The following GPHN variants were observed in gnomAD, a reference collection of about 807,000 sequenced individuals.
GPHN encodes gephyrin.
GPHN carries 17 observed loss-of-function variants against 95.5 expected under a neutral mutation model. The observed-to-expected ratio is 0.18, with a 90% confidence interval of 0.12 to 0.27. The LOEUF is 0.27. Ranked by LOEUF, GPHN falls within the 10% of genes least tolerant of loss-of-function variation. The pLI, the probability that GPHN is intolerant of heterozygous loss-of-function variation, is 1.00. For missense variants in GPHN, 660 were observed against 978.1 expected, an observed-to-expected ratio of 0.67 and a Z score of 4.34; for synonymous variants, 320 against 322.5, an observed-to-expected ratio of 0.99 and a Z score of 0.08.
chr14:67,568,459 G>A, the GPHN span, among the ~76,000 whole-genome samples: 1 of 152,070 alleles, frequency 6.6e-6, no homozygotes, highest in African/African-American at 2.4e-5. Context: ...TGGTGGCGGT[G>A]GGGGAGTATT....
the GPHN span, chr14:67,589,712 T>C: frequency 1.0e-6 from 1 of 1,002,206 alleles, no homozygotes; most frequent in Non-Finnish European, 1.2e-6. Flanking sequence ...AATATAGCTT[T>C]CTCAAGACAT....
chr14:67,721,944 T>C, the GPHN span, among the ~76,000 whole-genome samples: 2 of 152,172 alleles, frequency 1.3e-5, no homozygotes, highest in Non-Finnish European at 2.9e-5. Context: ...AATATGCATG[T>C]GCGTGTGTTA....
At chr14:67,044,658 G>A (rs146807362) in intron 10 of GPHN, among the ~76,000 whole-genome samples, 1 of 152,058 alleles carries the variant, frequency 6.6e-6, no homozygotes, top group Non-Finnish European at 1.5e-5. Flanking sequence ...TGTTGTTGTT[G>A]TTTTAAAAGC....
At chr14:67,357,190 G>A in the GPHN span, among the ~76,000 whole-genome samples, 1 of 152,190 alleles carries the variant, frequency 6.6e-6, no homozygotes. Flanking sequence ...GTACGAAAGT[G>A]GGTGAAAGTA....
At chr14:66,907,075 G>T (rs902153704) in intron 5 of GPHN, among the ~76,000 whole-genome samples, 1 of 152,102 alleles carries the variant, frequency 6.6e-6, no homozygotes, top group African/African-American at 2.4e-5. Flanking sequence ...AGAACTTCTA[G>T]ATATTTAACC....
chr14:67,007,449 G>A (rs953420274), intron 9 of GPHN, among the ~76,000 whole-genome samples: 3 of 152,134 alleles, frequency 2.0e-5, no homozygotes, highest in African/African-American at 4.8e-5. Context: ...ACCTCCTTTA[G>A]TTCATTTCCC....
intron 2 of GPHN, among the ~76,000 whole-genome samples, chr14:66,708,945 T>C (rs1040110585): frequency 4.6e-5 from 7 of 152,092 alleles, no homozygotes; most frequent in Admixed American, 4.6e-4. Context: ...GAACTCTTAA[T>C]AGTCTATTAT....
rs375167601 is a variant in GPHN, at chr14:66,879,927, C to T, written c.295-12C>T. 6.4e-7 allele frequency: 1 copy of T among 1,570,894 alleles called. No homozygotes were observed. ...TATTTCACTCAGTCTGCTATTTAAT[C>T]TTTAATTACAGGCCACAAAAGAAGT... is the stretch of plus-strand genomic sequence containing the variant. On this transcript the variant is annotated splice_polypyrimidine_tract_variant and intron_variant, in intron 4 of 22. Transcript: ENST00000478722.
At chr14:66,758,107 G>A (rs150670020) in intron 2 of GPHN, among the ~76,000 whole-genome samples, 7 of 152,176 alleles carry the variant, frequency 4.6e-5, no homozygotes, top group Non-Finnish European at 8.8e-5. Context: ...AGGTGGGCAC[G>A]ACAGTGTAGA....
At chr14:67,448,652 G>A in the GPHN span, among the ~76,000 whole-genome samples, 1 of 152,076 alleles carries the variant, frequency 6.6e-6, no homozygotes, top group Admixed American at 6.5e-5. Context: ...GTGGAGGGGA[G>A]AGAGAGCAAA....
intron 1 of GPHN, among the ~76,000 whole-genome samples, chr14:66,652,525 G>GTTT (rs3033900): frequency 0.087 from 12,989 of 149,664 alleles, 1,473 homozygotes; most frequent in African/African-American, 0.26. Flanking sequence ...TTTTTTGTGG[G>GTTT]TTTTTTTTTC....
the GPHN span, chr14:67,685,209 T>C: frequency 3.7e-6 from 6 of 1,608,562 alleles, no homozygotes; most frequent in Non-Finnish European, 5.1e-6. Flanking sequence ...CAGAGCCTGG[T>C]TGGGGGTGGC....
intron 18 of GPHN, among the ~76,000 whole-genome samples, chr14:67,144,242 A>ATATATATATATAT (rs1567399860): frequency 2.9e-5 from 2 of 68,070 alleles, no homozygotes; most frequent in Admixed American, 4.4e-4. Context: ...GTCTTAAAAA[A>ATATATATATATAT]AAAAAAAAAT....
the GPHN span, among the ~76,000 whole-genome samples, chr14:67,304,303 CA>C: frequency 6.6e-6 from 1 of 152,056 alleles, no homozygotes; most frequent in Non-Finnish European, 1.5e-5. Context: ...AGTATATATC[CA>C]AAAGGACTGA....
intron 8 of GPHN, among the ~76,000 whole-genome samples, chr14:66,952,083 C>T (rs1247971615): frequency 6.6e-6 from 1 of 152,118 alleles, no homozygotes. Flanking sequence ...GTGTGTGATT[C>T]AGTGACTTTT....
At chr14:67,027,616 A>G (rs1305475509) in intron 10 of GPHN, among the ~76,000 whole-genome samples, 1 of 152,218 alleles carries the variant, frequency 6.6e-6, no homozygotes, top group Non-Finnish European at 1.5e-5. Flanking sequence ...GGCATGAGCC[A>G]CGGTGCCCAG....
chr14:67,129,803 GGAGGGAGGGAGGAAGGAAGGAAGGGA>G lies in GPHN; in HGVS notation c.1748+7451_1748+7476del, dbSNP rs1325331311. On this transcript the variant is annotated intron_variant, in intron 17 of 22. Transcript: ENST00000478722. ...GAAAGAAAGAGAGAGAGAGGGAGAGGGAGGGAGGGAGGAAGGAAGGAAGGGAGAGGGAGGGAGGAAGGAAGGAAGGA... is the reference window on the plus strand; with the variant it reads ...GAAAGAAAGAGAGAGAGAGGGAGAGGGAGGGAGGGAGGAAGGAAGGAAGGA... 1.2e-3 allele frequency among the ~76,000 whole-genome samples: 184 copies of G among 149,808 alleles called. 1 individual carries two copies. The highest frequency in any genetic ancestry group is 4.3e-3 in the African/African-American group (174 of 40,850).
chr14:66,872,579 G>C (rs1253547636), intron 4 of GPHN, among the ~76,000 whole-genome samples: 1 of 152,056 alleles, frequency 6.6e-6, no homozygotes, highest in Non-Finnish European at 1.5e-5. Context: ...GTGTATTCCA[G>C]ATTTAACTGT....
At chr14:67,600,256 C>T in the GPHN span, 7 of 1,435,042 alleles carry the variant, frequency 4.9e-6, no homozygotes, top group Non-Finnish European at 6.5e-6. Context: ...CGCTCGCCGG[C>T]CCTGGCCGTC....
Sources: allele counts gnomAD v4.1 joint callset (sites outside exome capture counted in the v4.1 genomes callset), GRCh38; gene constraint gnomAD v4.1.1; transcripts MANE v1.5; gene names NCBI Gene and HGNC (gene_info 2026-07-23, HGNC 2026-07-21).